KCNQ1: variants seen among roughly 807,000 people sequenced by gnomAD.
KCNQ1 encodes the protein potassium voltage-gated channel subfamily KQT member 1.
Under a neutral mutation model 72.4 loss-of-function variants are expected in KCNQ1, and 49 were observed. That is an observed-to-expected ratio of 0.68 (90% CI 0.54 to 0.86). The LOEUF (loss-of-function observed/expected upper bound fraction) is 0.86. Ranked by LOEUF, KCNQ1 falls within the 40% of genes least tolerant of loss-of-function variation. The pLI is 0.00. For synonymous variants in KCNQ1, 450 were observed against 412.6 expected (o/e 1.09, Z -1.10); for missense variants, 790 against 945.1 (o/e 0.84, Z 2.15).
intron 11 of KCNQ1, chr11:2,697,478 C>T (rs1466409719): frequency 2.0e-5 from 8 of 398,440 alleles, no homozygotes; most frequent in Non-Finnish European, 3.1e-5. Flanking sequence ...ATCAAGTTTA[C>T]TGAAAAGTTA....
At chr11:2,662,330 C>T (rs1849974831) in intron 11 of KCNQ1, 3 of 575,852 alleles carry the variant, frequency 5.2e-6, no homozygotes, top group Non-Finnish European at 9.2e-6. Context: ...GATCATTTTC[C>T]ACTTGTTTTC....
rs1345194105 is a variant in KCNQ1 at position 2,457,226 on chromosome 11, G to A, written c.386+11742G>A. Among the ~76,000 whole-genome samples, 1 of 152,140 alleles carries A rather than the reference G, an allele frequency of 6.6e-6. No individual in the cohort carries two copies. Among genetic ancestry groups the A allele is most frequent in the Non-Finnish European group, 1.5e-5 (1 of 68,034 alleles). ...AGTGTAAATGAGTCCAGCCACCATG[G>A]AAGGCAGTTTGGAGATTTCCCAAAG... On this transcript the variant is annotated intron_variant, in intron 1 of 15. Coordinates refer to ENST00000155840, the MANE Select transcript of KCNQ1 (RefSeq NM_000218.3). The surrounding 1 kb of genome is among the most constrained non-coding windows in gnomAD (Gnocchi z 5.0).
Position 2,468,398 on chromosome 11 carries a change from C to T in KCNQ1, c.386+22914C>T, listed in dbSNP as rs942573629. ...CTGAGCTCAAGCGATCTGCCTGCCTCAGCCTCCCAAAGTGCTGGGATTACA... is the reference window on the plus strand; with the variant it reads ...CTGAGCTCAAGCGATCTGCCTGCCTTAGCCTCCCAAAGTGCTGGGATTACA... On this transcript the variant is annotated intron_variant, in intron 1 of 15. Coordinates refer to ENST00000155840, the MANE Select transcript of KCNQ1 (RefSeq NM_000218.3). This position sits in a 1 kb window ranked among gnomAD's most constrained non-coding sequence, Gnocchi z 5.7. Among the ~76,000 whole-genome samples, 4 of 152,210 alleles carry T rather than the reference C, an allele frequency of 2.6e-5. No homozygotes were observed. Among genetic ancestry groups the T allele is most frequent in the African/African-American group, 4.8e-5 (2 of 41,450 alleles).
At position 2,848,104 on chromosome 11, in the gene KCNQ1, G is replaced by A; in HGVS notation, c.*101G>A. 1 of 990,434 alleles carries A rather than the reference G, an allele frequency of 1.0e-6. No homozygotes were observed. Among genetic ancestry groups the A allele is most frequent in the Non-Finnish European group, 1.5e-6 (1 of 649,744 alleles). 61.4% of individuals were successfully genotyped at this position (990,434 alleles called of 1,614,324 possible). A position where few individuals can be genotyped will look rare whatever the true frequency, so the allele number is the denominator to read the frequency against. ...GAGGCCACCTCCTAAAAGGCCCAGAGAGAAGAGCCCCACTCTCAGAGGCCC... is the reference window on the plus strand; with the variant it reads ...GAGGCCACCTCCTAAAAGGCCCAGAAAGAAGAGCCCCACTCTCAGAGGCCC... On this transcript the variant is annotated 3_prime_UTR_variant, in exon 16 of 16. Transcript: ENST00000155840.
In KCNQ1 at chr11:2,565,664, C is replaced by T. The variant is rs1848236787; in HGVS notation, c.478-4964C>T. Among the ~76,000 whole-genome samples, 1 of 152,168 alleles carries T rather than the reference C, an allele frequency of 6.6e-6. No homozygotes were observed. The highest frequency in any genetic ancestry group is 1.5e-5 in the Non-Finnish European group (1 of 68,028). On this transcript the variant is annotated intron_variant, in intron 2 of 15. Coordinates refer to ENST00000155840, the MANE Select transcript of KCNQ1 (RefSeq NM_000218.3). This position sits in a 1 kb window ranked among gnomAD's most constrained non-coding sequence, Gnocchi z 5.6. ...TATCTTGTTTTGGGGGGCAGGGACCCAGAAACTCATTGCTTTCAGGCCTTG... is the reference window on the plus strand; with the variant it reads ...TATCTTGTTTTGGGGGGCAGGGACCTAGAAACTCATTGCTTTCAGGCCTTG...
At chr11:2,527,849 A>C in intron 1 of KCNQ1, 79 bp from the exon 2 acceptor site, 1 of 1,299,048 alleles carries the variant, frequency 7.7e-7, no homozygotes, top group Non-Finnish European at 1.1e-6. Context: ...GGCTGAGGCC[A>C]GGGGCCCCTC....
chr11:2,799,476 G>T (rs1336195677), intron 15 of KCNQ1, among the ~76,000 whole-genome samples: 1 of 151,970 alleles, frequency 6.6e-6, no homozygotes, highest in African/African-American at 2.4e-5. Flanking sequence ...GTTTGTATGT[G>T]AGGGCAGTGT....
chr11:2,686,716 C>T, intron 11 of KCNQ1: 1 of 398,692 alleles, frequency 2.5e-6, no homozygotes, highest in Non-Finnish European at 4.4e-6. Flanking sequence ...GGAAGTCCTA[C>T]TCGGCCCCAC....
intron 2 of KCNQ1, among the ~76,000 whole-genome samples, chr11:2,534,772 G>A (rs968667560): frequency 6.6e-6 from 1 of 152,240 alleles, no homozygotes; most frequent in African/African-American, 2.4e-5. Context: ...TTCAGAACGC[G>A]GTCGTCTTCT....
At chr11:2,822,111 A>G (rs755230330) in intron 15 of KCNQ1, among the ~76,000 whole-genome samples, 23 of 152,176 alleles carry the variant, frequency 1.5e-4, no homozygotes, top group Non-Finnish European at 2.2e-4. Flanking sequence ...CTGGCTTTGA[A>G]GACGGAGGAG....
rs568024125 is a variant in KCNQ1, at chr11:2,824,316, C to T, written c.1795-23451C>T. Among the ~76,000 whole-genome samples, 32 of 152,076 alleles carry T rather than the reference C, an allele frequency of 2.1e-4. No individual in the cohort carries two copies. The highest frequency in any genetic ancestry group is 1.9e-3 in the South Asian group (9 of 4,800). On this transcript the variant is annotated intron_variant, in intron 15 of 15. Coordinates refer to ENST00000155840, the MANE Select transcript of KCNQ1 (RefSeq NM_000218.3). This position sits in a 1 kb window ranked among gnomAD's most constrained non-coding sequence, Gnocchi z 5.9. ...CCCAGGGGTGGAAAGAAGACAGATA[C>T]GAGAGGGGATTTGGAGACACAATCC... is the stretch of plus-strand genomic sequence containing the variant.
rs139895941 is a variant in KCNQ1, at chr11:2,475,012, G to A, written c.386+29528G>A. Among the ~76,000 whole-genome samples the A allele has an allele frequency of 1.3e-5, 2 of 152,192 alleles. No individual in the cohort carries two copies. The highest frequency in any genetic ancestry group is 2.9e-5 in the Non-Finnish European group (2 of 68,026). On this transcript the variant is annotated intron_variant, in intron 1 of 15. Transcript: ENST00000155840. This position sits in a 1 kb window ranked among gnomAD's most constrained non-coding sequence, Gnocchi z 5.8. The stretch of plus-strand genomic sequence containing the variant: ...TTGTTTGTGTTGTGATAAAATACAC[G>A]TAACGTAAAATTGACCTTTTTAACC...
At position 2,620,214 on chromosome 11, in the gene KCNQ1, T is replaced by A. The variant is rs866516619; in HGVS notation, c.1393+31360T>A. 0.015 allele frequency: 4,070 copies of A among 272,938 alleles called. 53 individuals carry two copies. The highest frequency in any genetic ancestry group is 0.03 in the Middle Eastern group (27 of 904). The allele number at this position is 272,938 out of a possible 1,614,324, so 16.9% of individuals were successfully genotyped here. A position where few individuals can be genotyped will look rare whatever the true frequency, so the allele number is the denominator to read the frequency against. On this transcript the variant is annotated intron_variant, in intron 10 of 15. Coordinates refer to ENST00000155840, the MANE Select transcript of KCNQ1 (RefSeq NM_000218.3). This position sits in a 1 kb window ranked among gnomAD's most constrained non-coding sequence, Gnocchi z 4.5. ...GTTCATTCATGTATATATATATATT[T>A]TTTTTTTTTATTTTTTTTTTAGACG...
intron 11 of KCNQ1, among the ~76,000 whole-genome samples, chr11:2,756,951 TAAAA>T (rs58284663): frequency 0.068 from 3,458 of 50,816 alleles, 153 homozygotes; most frequent in East Asian, 0.28. Context: ...AAGAGCATCT[TAAAA>T]AAAAAAAAAA....
chr11:2,524,133 T>G (rs939343865), intron 1 of KCNQ1, among the ~76,000 whole-genome samples: 2 of 152,132 alleles, frequency 1.3e-5, no homozygotes. Flanking sequence ...AGGATTCTTC[T>G]AAGAGAAGCA....
rs1846211415 is a variant in KCNQ1, at chr11:2,457,339, A to G, written c.386+11855A>G. ...AAATTAGTCGTTCTACCAAAAAGAC[A>G]TATGCACCTAAACATTCATGGCAGA... is the stretch of plus-strand genomic sequence containing the variant. On this transcript the variant is annotated intron_variant, in intron 1 of 15. Transcript: ENST00000155840. This position sits in a 1 kb window ranked among gnomAD's most constrained non-coding sequence, Gnocchi z 5.0. 6.6e-6 allele frequency among the ~76,000 whole-genome samples: 1 copy of G among 152,238 alleles called. No homozygotes were observed.
chr11:2,641,229 T>G, intron 10 of KCNQ1: 1 of 398,456 alleles, frequency 2.5e-6, no homozygotes, highest in Non-Finnish European at 4.4e-6. Flanking sequence ...TTTTAGGTTT[T>G]TCAGAAATCA....
intron 2 of KCNQ1, among the ~76,000 whole-genome samples, chr11:2,546,413 T>C (rs1847903127): frequency 6.6e-6 from 1 of 151,556 alleles, no homozygotes; most frequent in Non-Finnish European, 1.5e-5. Flanking sequence ...GTACTGCTGT[T>C]GTTGGGAGGA....
chr11:2,726,205 G>T (rs530461491), intron 11 of KCNQ1, among the ~76,000 whole-genome samples: 1 of 152,220 alleles, frequency 6.6e-6, no homozygotes, highest in Non-Finnish European at 1.5e-5. Flanking sequence ...GGTGGGTCCC[G>T]GGCAGTGGCC....
Sources: gnomAD v4.1 joint callset for allele counts (sites outside exome capture counted in the v4.1 genomes callset) on GRCh38, gnomAD v4.1.1 for gene constraint, Gnocchi (gnomAD v3.1) non-coding constraint, MANE v1.5 for transcripts, NCBI Gene and HGNC (gene_info 2026-07-23, HGNC 2026-07-21) for gene names.